PCGF5: variants seen among roughly 807,000 people sequenced by gnomAD.
The protein encoded by PCGF5 is polycomb group ring finger 5.
A neutral mutation model predicts 44.3 loss-of-function variants in PCGF5; 9 were observed. The observed-to-expected ratio is 0.20, with a 90% CI of 0.12 to 0.35. The LOEUF is 0.35. Ranked by LOEUF, PCGF5 falls within the 10% of genes least tolerant of loss-of-function variation. PCGF5 has a pLI of 1.00. For synonymous variants in PCGF5, 95 were observed against 102.5 expected, an observed-to-expected ratio of 0.93 and a Z score of 0.44; for missense variants, 146 against 305.3, an observed-to-expected ratio of 0.48 and a Z score of 3.89.
intron 8 of PCGF5, among the ~76,000 whole-genome samples, chr10:91,267,831 A>G (rs967906273): frequency 6.6e-6 from 1 of 152,096 alleles, no homozygotes; most frequent in East Asian, 1.9e-4. Context: ...TAGTCTACCT[A>G]TTGGCTAACT....
chr10:91,251,661 A>G (rs538146014), intron 6 of PCGF5, among the ~76,000 whole-genome samples: 4 of 152,168 alleles, frequency 2.6e-5, no homozygotes, highest in African/African-American at 9.6e-5. Flanking sequence ...GCTAATGCCC[A>G]GAATCACACC....
chr10:91,161,284 A>T (rs908738576), upstream of PCGF5, among the ~76,000 whole-genome samples: 1 of 152,186 alleles, frequency 6.6e-6, no homozygotes, highest in Non-Finnish European at 1.5e-5. Context: ...TTGCTGCATT[A>T]AATTATTGCT....
chr10:91,233,685 A>G (rs1845073160), intron 2 of PCGF5, among the ~76,000 whole-genome samples: 1 of 152,234 alleles, frequency 6.6e-6, no homozygotes, highest in Non-Finnish European at 1.5e-5. Context: ...TATCAAAAGC[A>G]GGAAACTGAT....
chr10:91,248,400 G>C (rs1845526394), intron 3 of PCGF5, 105 bp from the exon 4 acceptor site: 9 of 1,038,996 alleles, frequency 8.7e-6, no homozygotes, highest in Non-Finnish European at 1.3e-5. Context: ...TGCTAAAATT[G>C]TGTATGTATT....
At chr10:91,246,988 T>C (rs1845481509) in intron 3 of PCGF5, among the ~76,000 whole-genome samples, 1 of 147,860 alleles carries the variant, frequency 6.8e-6, no homozygotes, top group Non-Finnish European at 1.5e-5. Context: ...GATAGATAGA[T>C]AGATAGATAG....
At chr10:91,217,957 T>C (rs1029442191), upstream of PCGF5, among the ~76,000 whole-genome samples, 2 of 152,146 alleles carry the variant, frequency 1.3e-5, no homozygotes, top group African/African-American at 4.8e-5. Flanking sequence ...TGGCTAATTT[T>C]GGTATTTTTA....
At chr10:91,164,400 A>G (rs1013793263) in intron 1 of PCGF5, among the ~76,000 whole-genome samples, 9 of 152,198 alleles carry the variant, frequency 5.9e-5, no homozygotes, top group African/African-American at 1.9e-4. Flanking sequence ...CCACCTGGCT[A>G]CATTAACCGG....
rs545942441 is a variant in PCGF5, at chr10:91,184,049, C to T, written c.-184+20968C>T. 2.0e-5 allele frequency among the ~76,000 whole-genome samples: 3 copies of T among 152,170 alleles called. No individual in the cohort carries two copies. In the South Asian group the frequency reaches 6.2e-4, roughly 32 times the overall value. On this transcript the variant is annotated intron_variant, in intron 1 of 9. Transcript: ENST00000614189. ...GATGATTATGTGTCTTGGGGATGTT[C>T]TTCTCATGGAGTATCTTACTGGGGT... is the stretch of plus-strand genomic sequence containing the variant.
At chr10:91,238,867 T>G (rs1386569244) in intron 2 of PCGF5, among the ~76,000 whole-genome samples, 7 of 152,068 alleles carry the variant, frequency 4.6e-5, no homozygotes. Flanking sequence ...TAGGCCAAGC[T>G]TTTATATCTA....
intron 9 of PCGF5, among the ~76,000 whole-genome samples, chr10:91,275,698 C>T (rs1442035167): frequency 6.6e-6 from 1 of 151,644 alleles, no homozygotes; most frequent in Non-Finnish European, 1.5e-5. Flanking sequence ...CGTGATCTGC[C>T]CGCCTCGGGC....
At chr10:91,260,478 A>T (rs1233885136) in intron 6 of PCGF5, among the ~76,000 whole-genome samples, 1 of 152,204 alleles carries the variant, frequency 6.6e-6, no homozygotes, top group African/African-American at 2.4e-5. Flanking sequence ...CCAAAGGATT[A>T]TAAATCATGC....
At chr10:91,229,435 G>A (rs965228801) in intron 2 of PCGF5, among the ~76,000 whole-genome samples, 1 of 152,156 alleles carries the variant, frequency 6.6e-6, no homozygotes, top group Non-Finnish European at 1.5e-5. Flanking sequence ...AGGTTTAAGG[G>A]AAGAGTATTT....
intron 1 of PCGF5, among the ~76,000 whole-genome samples, chr10:91,172,994 T>C (rs947930914): frequency 6.6e-6 from 1 of 152,244 alleles, no homozygotes; most frequent in African/African-American, 2.4e-5. Flanking sequence ...TAGTCCTGAT[T>C]CTGTCACTAT....
intron 8 of PCGF5, among the ~76,000 whole-genome samples, chr10:91,271,405 G>A (rs1846179598): frequency 6.6e-6 from 1 of 152,066 alleles, no homozygotes; most frequent in African/African-American, 2.4e-5. Context: ...TGCATTTGCA[G>A]AATATTAAAC....
At chr10:91,211,421 T>C (rs186293214) in intron 1 of PCGF5, among the ~76,000 whole-genome samples, 10 of 152,320 alleles carry the variant, frequency 6.6e-5, no homozygotes, top group Admixed American at 1.3e-4. Context: ...TAGAGGTTAT[T>C]GTAAATTTAT....
intron 2 of PCGF5, among the ~76,000 whole-genome samples, chr10:91,231,094 G>A (rs1477779319): frequency 6.6e-6 from 1 of 152,092 alleles, no homozygotes; most frequent in East Asian, 1.9e-4. Flanking sequence ...AAACTCAGTC[G>A]TCTCCCTTGC....
rs1306766175 is a variant in PCGF5 at position 91,179,436 on chromosome 10, T to A, written c.-184+16355T>A. ...TCGTGGGGTTTGTTGTACAGATTATTTCACCATCCAGGAATTAAGCCTAGT... is the reference window on the plus strand; with the variant it reads ...TCGTGGGGTTTGTTGTACAGATTATATCACCATCCAGGAATTAAGCCTAGT... On this transcript the variant is annotated intron_variant, in intron 1 of 9. Coordinates refer to the PCGF5 transcript ENST00000614189. Among the ~76,000 whole-genome samples, 3 of 152,324 alleles carry A rather than the reference T, an allele frequency of 2.0e-5. No individual in the cohort carries two copies. In the East Asian group the frequency reaches 5.8e-4, roughly 29 times the overall value.
chr10:91,278,180 T>G lies in PCGF5; in HGVS notation c.724-89T>G, dbSNP rs1476334608. The G allele has an allele frequency of 9.0e-6, 10 of 1,117,204 alleles. No homozygotes were observed. The Admixed American group carries it at 1.4e-4, about 16-fold the overall frequency. 69.2% of individuals were successfully genotyped at this position (1,117,204 alleles called of 1,614,324 possible). A position where few individuals can be genotyped will look rare whatever the true frequency, so the allele number is the denominator to read the frequency against. Reference sequence around the variant, plus strand: ...TAGTACCAGGAAATACTGTAAATTATAACTCCGAATTCTTAAAATCTTTCA... The same window carrying G: ...TAGTACCAGGAAATACTGTAAATTAGAACTCCGAATTCTTAAAATCTTTCA... On this transcript the variant is annotated intron_variant, in intron 9 of 9. Coordinates refer to ENST00000336126, the MANE Select transcript of PCGF5 (RefSeq NM_032373.5).
At chr10:91,207,813 A>T (rs922067036) in intron 1 of PCGF5, among the ~76,000 whole-genome samples, 3 of 152,182 alleles carry the variant, frequency 2.0e-5, no homozygotes, top group African/African-American at 7.2e-5. Flanking sequence ...TAGTCAGGAT[A>T]GACATTTTGG....
Sources: gnomAD v4.1 joint callset for allele counts (sites outside exome capture counted in the v4.1 genomes callset) on GRCh38, gnomAD v4.1.1 for gene constraint, MANE v1.5 for transcripts, NCBI Gene and HGNC (gene_info 2026-07-23, HGNC 2026-07-21) for gene names.